The following NAPB variants were observed in gnomAD, a reference collection of about 807,000 sequenced individuals.
NAPB encodes the protein NSF attachment protein beta, also known as beta-soluble NSF attachment protein.
A neutral mutation model predicts 44.7 loss-of-function variants in NAPB; 26 were observed. The ratio of observed to expected loss-of-function variants is 0.58; its 90% confidence interval spans 0.43 to 0.81. The LOEUF (loss-of-function observed/expected upper bound fraction) is 0.81, where lower values mean the gene tolerates loss of function less well. Ranked by LOEUF, NAPB falls within the 30% of genes least tolerant of loss-of-function variation. The pLI is 0.00. For synonymous variants in NAPB, 120 were observed against 116.8 expected (o/e 1.03, Z -0.18); for missense variants, 315 against 356.4 (o/e 0.88, Z 0.94).
intron 1 of NAPB, among the ~76,000 whole-genome samples, chr20:23,404,383 G>T (rs1391890807): frequency 6.6e-6 from 1 of 152,180 alleles, no homozygotes; most frequent in Non-Finnish European, 1.5e-5. Flanking sequence ...GCACACACGT[G>T]TTAGGAACTC....
intron 5 of NAPB, 62 bp downstream of exon 5, chr20:23,394,860 A>C: frequency 2.0e-6 from 3 of 1,500,566 alleles, no homozygotes; most frequent in Non-Finnish European, 2.8e-6. Flanking sequence ...TGAGGAGAGG[A>C]GAGTTCTTTG....
chr20:23,406,847 T>C (rs1462930260), intron 1 of NAPB, among the ~76,000 whole-genome samples: 1 of 152,248 alleles, frequency 6.6e-6, no homozygotes, highest in Non-Finnish European at 1.5e-5. Context: ...TTAATTAAAA[T>C]GTACTTTATC....
chr20:23,382,015 T>C (rs915412202), intron 7 of NAPB, among the ~76,000 whole-genome samples: 3 of 152,054 alleles, frequency 2.0e-5, no homozygotes, highest in Non-Finnish European at 4.4e-5. Flanking sequence ...CCCCTGACAC[T>C]AAGGCAGTGC....
Position 23,377,505 on chromosome 20 carries a change from A to G in NAPB, c.787-19T>C. On this transcript the variant is annotated intron_variant, in intron 10 of 10. Coordinates refer to ENST00000377026, the MANE Select transcript of NAPB (RefSeq NM_022080.3). ...CCTTCACCTAGTATAAGGAAAGAGG[A>G]ACAGGAATTACCCCATGTAAATACA... The G allele has an allele frequency of 6.5e-7, 1 of 1,530,364 alleles. No homozygotes were observed. Among genetic ancestry groups the G allele is most frequent in the Non-Finnish European group, 9.0e-7 (1 of 1,114,196 alleles). 94.8% of individuals were successfully genotyped at this position (1,530,364 alleles called of 1,614,324 possible). A position where few individuals can be genotyped will look rare whatever the true frequency, so the allele number is the denominator to read the frequency against.
chr20:23,401,749 C>T (rs1322516167), intron 2 of NAPB, among the ~76,000 whole-genome samples: 7 of 152,096 alleles, frequency 4.6e-5, no homozygotes, highest in African/African-American at 1.2e-4. Context: ...GGCGTGGTGG[C>T]GCGTGCCTGT....
intron 2 of NAPB, 97 bp from the exon 3 acceptor site, chr20:23,397,285 C>A: frequency 7.2e-7 from 1 of 1,392,358 alleles, no homozygotes; most frequent in Non-Finnish European, 9.5e-7. Context: ...TTATATTCCA[C>A]TGAAAAGAAG....
Position 23,407,697 on chromosome 20 carries a change from A to G in NAPB, c.99-4625T>C, listed in dbSNP as rs117195494. ...TTCTTGCCCACAAGGAGGTCACGAC[A>G]CTGAGGAAAGAATATCAAGCTTCAC... is the stretch of plus-strand genomic sequence containing the variant. On this transcript the variant is annotated intron_variant, in intron 1 of 10. Transcript: ENST00000377026. Among the ~76,000 whole-genome samples the G allele has an allele frequency of 4.7e-4, 71 of 152,232 alleles. 1 individual carries two copies. In the East Asian group the frequency reaches 9.3e-3, roughly 20 times the overall value.
At chr20:23,402,023 A>G (rs6048785) in intron 2 of NAPB, among the ~76,000 whole-genome samples, 12,097 of 152,316 alleles carry the variant, frequency 0.079, 1,125 homozygotes, top group African/African-American at 0.22. Flanking sequence ...CCACCATTTT[A>G]AAAATACAAT....
chr20:23,417,083 C>CTT (rs567478910), intron 1 of NAPB, among the ~76,000 whole-genome samples: 1,883 of 134,150 alleles, frequency 0.014, 58 homozygotes, highest in African/African-American at 0.046. Context: ...CACTGGCATT[C>CTT]TTTTTTTTTT....
intron 1 of NAPB, among the ~76,000 whole-genome samples, chr20:23,414,046 G>A (rs1157709453): frequency 1.3e-5 from 2 of 152,230 alleles, no homozygotes; most frequent in African/African-American, 2.4e-5. Flanking sequence ...ATCTAGGCCA[G>A]GCACAGTGGC....
At chr20:23,404,385 T>C (rs1160717776) in intron 1 of NAPB, among the ~76,000 whole-genome samples, 1 of 152,108 alleles carries the variant, frequency 6.6e-6, no homozygotes, top group African/African-American at 2.4e-5. Context: ...ACACACGTGT[T>C]AGGAACTCCA....
chr20:23,380,031 T>G, intron 8 of NAPB, 96 bp from the exon 9 acceptor site: 1 of 902,462 alleles, frequency 1.1e-6, no homozygotes, highest in South Asian at 1.7e-5. Flanking sequence ...CTATATCCTA[T>G]TAAGTGTTGA....
chr20:23,420,750 A>C (rs1486092292), intron 1 of NAPB, among the ~76,000 whole-genome samples: 1 of 151,918 alleles, frequency 6.6e-6, no homozygotes, highest in African/African-American at 2.4e-5. Flanking sequence ...CCCCCGCACC[A>C]ACCCGGGCCA....
At chr20:23,409,690 T>C (rs1985517372) in intron 1 of NAPB, among the ~76,000 whole-genome samples, 1 of 152,218 alleles carries the variant, frequency 6.6e-6, no homozygotes, top group Non-Finnish European at 1.5e-5. Context: ...AAAATCATGG[T>C]GGCTGCTTAG....
chr20:23,416,130 C>T (rs756412341), intron 1 of NAPB, among the ~76,000 whole-genome samples: 5 of 152,174 alleles, frequency 3.3e-5, no homozygotes, highest in Non-Finnish European at 7.3e-5. Context: ...ACGTGCCTAA[C>T]GCATGCCTCA....
intron 6 of NAPB, 29 bp from the exon 7 acceptor site, chr20:23,390,059 T>TA: frequency 6.2e-7 from 1 of 1,609,728 alleles, no homozygotes; most frequent in Non-Finnish European, 8.5e-7. Flanking sequence ...GCAGAGTGAG[T>TA]AACAAGTCAA....
rs560255789 is a variant in NAPB at position 23,379,483 on chromosome 20, C to T, written c.748G>A (p.Ala250Thr). The T allele has an allele frequency of 1.9e-6, 3 of 1,608,376 alleles. No homozygotes were observed. The African/African-American group carries it at 4.0e-5, about 22-fold the overall frequency. ...ECKLLKKLLE[A>T]HEEQNSEAYT... is the part of the protein sequence containing the mutation. ...GCTTCACTGTTCTGTTCTTCATGAGCTTCTAGGAGTTTCTGGTAGCATAAA... is the reference window on the plus strand; with the variant it reads ...GCTTCACTGTTCTGTTCTTCATGAGTTTCTAGGAGTTTCTGGTAGCATAAA... Residue 250 changes from alanine (A) to threonine (T), a missense_variant, in exon 10 of 11, where the codon GCT (alanine) becomes ACT (threonine). This residue lies in a region of NAPB where 120 missense variants were observed against 130.5 expected (regional missense o/e 0.92). Coordinates refer to ENST00000377026, the MANE Select transcript of NAPB (RefSeq NM_022080.3).
Position 23,377,406 on chromosome 20 carries a change from C to T in NAPB, c.867G>A (p.Gly289=), listed in dbSNP as rs1982602203. The T allele has an allele frequency of 1.2e-6, 2 of 1,600,326 alleles. No individual in the cohort carries two copies. The highest frequency in any genetic ancestry group is 1.7e-6 in the Non-Finnish European group (2 of 1,171,106). ...TTAGGTCTCCATCTCCTTCTCCATC[C>T]CCTTGGATGGACTTTTTGATGCGAA... is the stretch of plus-strand genomic sequence containing the variant. ...MLLRIKKSIQ[G]DGEGDGDLK Residue 289 remains glycine, a synonymous_variant, in exon 11 of 11, where the codon GGG becomes GGA. Coordinates refer to ENST00000377026, the MANE Select transcript of NAPB (RefSeq NM_022080.3).
intron 7 of NAPB, among the ~76,000 whole-genome samples, chr20:23,388,042 GA>G (rs1211145062): frequency 6.6e-6 from 1 of 152,210 alleles, no homozygotes; most frequent in Non-Finnish European, 1.5e-5. Flanking sequence ...GCCTGTCTTA[GA>G]GCCAGGACAC....
Sources: allele counts gnomAD v4.1 joint callset (sites outside exome capture counted in the v4.1 genomes callset), GRCh38; gene constraint gnomAD v4.1.1; regional missense constraint gnomAD v4.1.1; transcripts MANE v1.5; gene names NCBI Gene and HGNC (gene_info 2026-07-23, HGNC 2026-07-21).